Variants in HSPA14 observed in about 807,000 individuals in gnomAD.
The protein encoded by HSPA14 is heat shock protein family A (Hsp70) member 14.
HSPA14 carries 37 observed loss-of-function variants against 65.5 expected under a neutral mutation model. The observed-to-expected ratio is 0.56, with a 90% CI of 0.43 to 0.74. The LOEUF (loss-of-function observed/expected upper bound fraction) is 0.74. Ranked by LOEUF, HSPA14 falls within the 30% of genes least tolerant of loss-of-function variation. HSPA14 has a pLI of 0.00. For synonymous variants in HSPA14, 203 were observed against 214.2 expected, an observed-to-expected ratio of 0.95 and a Z score of 0.46; for missense variants, 564 against 607.6, an observed-to-expected ratio of 0.93 and a Z score of 0.75.
rs934140473 is a variant in HSPA14 at position 14,838,367 on chromosome 10, C to T, written c.-36C>T. The T allele has an allele frequency of 3.8e-6, 6 of 1,576,138 alleles. No individual in the cohort carries two copies. The highest frequency in any genetic ancestry group is 1.3e-5 in the African/African-American group (1 of 74,518). On this transcript the variant is annotated 5_prime_UTR_variant, in exon 1 of 14. Coordinates refer to ENST00000378372, the MANE Select transcript of HSPA14 (RefSeq NM_016299.4). Reference sequence around the variant, plus strand: ...GCCGGTAGCTGTTGCTGTTGGGGGACCCCCTCATTCCTGCCGCTGCCGTCC... The same window carrying T: ...GCCGGTAGCTGTTGCTGTTGGGGGATCCCCTCATTCCTGCCGCTGCCGTCC...
chr10:14,855,698 T>C lies in HSPA14; in HGVS notation c.891-143T>C, dbSNP rs112700991. The stretch of plus-strand genomic sequence containing the variant: ...CCTTATTCTTATGGTAAACCTGTCA[T>C]TCAGAGAACTATCATATTAAGTTTT... On this transcript the variant is annotated intron_variant, in intron 9 of 13. Coordinates refer to ENST00000378372, the MANE Select transcript of HSPA14 (RefSeq NM_016299.4). 3.5e-3 allele frequency: 1,977 copies of C among 563,250 alleles called. 27 individuals are homozygous for C. Among genetic ancestry groups the C allele is most frequent in the African/African-American group, 0.031 (1,630 of 52,572 alleles). The allele number at this position is 563,250 out of a possible 1,614,324, so 34.9% of individuals were successfully genotyped here. A position where few individuals can be genotyped will look rare whatever the true frequency, so the allele number is the denominator to read the frequency against.
chr10:14,849,585 A>T, intron 5 of HSPA14, 136 bp from the exon 6 acceptor site: 1 of 732,398 alleles, frequency 1.4e-6, no homozygotes, highest in South Asian at 1.5e-5. Flanking sequence ...AAGAAAATTG[A>T]CACGGGGGCG....
At chr10:14,862,224 T>C (rs1414690146) in intron 10 of HSPA14, among the ~76,000 whole-genome samples, 1 of 150,194 alleles carries the variant, frequency 6.7e-6, no homozygotes, top group African/African-American at 2.4e-5. Flanking sequence ...GAGATGGGGT[T>C]TCACCGTGTT....
chr10:14,858,724 C>A (rs556732517), intron 10 of HSPA14, among the ~76,000 whole-genome samples: 1 of 152,132 alleles, frequency 6.6e-6, no homozygotes, highest in South Asian at 2.1e-4. Flanking sequence ...TTACGGGGAA[C>A]GGGGAGTGAA....
chr10:14,863,732 C>G (rs575606638), intron 10 of HSPA14, among the ~76,000 whole-genome samples: 5 of 152,310 alleles, frequency 3.3e-5, no homozygotes, highest in African/African-American at 1.2e-4. Context: ...CTCTTACCCT[C>G]TTTAACAACT....
Position 14,855,854 on chromosome 10 carries a change from C to T in HSPA14, c.904C>T (p.Leu302Phe). The change falls in exon 10 of 14, where the codon CTT becomes TTT. Residue 302 changes from leucine (L) to phenylalanine (F), a missense_variant. Transcript: ENST00000378372. ...ATGTGTGTACAGAGCAAGATTTGAA[C>T]TTCTTTGTTCTCCACTTTTTAATAA... is the stretch of plus-strand genomic sequence containing the variant. ...DCNVSRARFE[L>F]LCSPLFNKCI... The T allele has an allele frequency of 5.0e-6, 8 of 1,595,518 alleles. No individual in the cohort carries two copies. The highest frequency in any genetic ancestry group is 6.9e-6 in the Non-Finnish European group (8 of 1,163,712).
intron 10 of HSPA14, among the ~76,000 whole-genome samples, chr10:14,857,217 C>G (rs934891958): frequency 6.6e-5 from 10 of 152,080 alleles, no homozygotes; most frequent in Non-Finnish European, 1.2e-4. Context: ...TTTTTTCCTC[C>G]CCTGTAAGAG....
intron 12 of HSPA14, among the ~76,000 whole-genome samples, chr10:14,868,939 C>G (rs902759758): frequency 2.6e-5 from 4 of 152,104 alleles, no homozygotes; most frequent in Non-Finnish European, 5.9e-5. Context: ...CTCCGCCTCC[C>G]AGGTTCATGC....
intron 3 of HSPA14, chr10:14,844,932 G>A: frequency 2.0e-6 from 2 of 985,364 alleles, no homozygotes; most frequent in Non-Finnish European, 2.4e-6. Flanking sequence ...TTCCTTTTGA[G>A]GAGCTTTCCA....
rs534311010 is a variant in HSPA14 at position 14,857,814 on chromosome 10, C to CT, written c.993+1874dup. Among the ~76,000 whole-genome samples, 16 of 151,926 alleles carry CT rather than the reference C, an allele frequency of 1.1e-4. No homozygotes were observed. The South Asian group carries it at 3.3e-3, about 32-fold the overall frequency. ...ATACTTTTCTTTTAACTTGTCTATA[C>CT]TTTGACAGTTTTATGTTTTTAGTTT... On this transcript the variant is annotated intron_variant, in intron 10 of 13. Coordinates refer to ENST00000378372, the MANE Select transcript of HSPA14 (RefSeq NM_016299.4).
intron 1 of HSPA14, among the ~76,000 whole-genome samples, chr10:14,838,813 C>A (rs964070151): frequency 6.6e-6 from 1 of 151,826 alleles, no homozygotes; most frequent in Admixed American, 6.6e-5. Flanking sequence ...GTCCCGGGGA[C>A]GGCGGGGCTG....
At chr10:14,862,371 CTTTT>C (rs1832757888) in intron 10 of HSPA14, among the ~76,000 whole-genome samples, 1 of 142,192 alleles carries the variant, frequency 7.0e-6, no homozygotes, top group Non-Finnish European at 1.5e-5. Flanking sequence ...TCTTTCTTTT[CTTTT>C]CTTTTTTTTT....
Position 14,851,253 on chromosome 10 carries a change from C to T in HSPA14, c.502C>T (p.Arg168Ter), listed in dbSNP as rs570039143. 1 of 1,610,602 alleles carries T rather than the reference C, an allele frequency of 6.2e-7. No homozygotes were observed. The highest frequency in any genetic ancestry group is 1.1e-5 in the South Asian group (1 of 90,742). The stretch of plus-strand genomic sequence containing the variant: ...TAGAGCTGCTGGATTTAATGTTTTG[C>T]GATTAATTCACGAACCGTCTGCAGC... ...AARAAGFNVLRLIHEPSAALL... is the reference protein window; with the variant it reads ...AARAAGFNVL Residue 168 changes from arginine to a stop codon, truncating the protein, a stop_gained, in exon 7 of 14, where the codon CGA becomes TGA. Transcript: ENST00000378372. LOFTEE classifies it high-confidence loss of function.
chr10:14,864,659 A>AT (rs774844209), intron 10 of HSPA14, among the ~76,000 whole-genome samples: 21 of 152,118 alleles, frequency 1.4e-4, no homozygotes, highest in Non-Finnish European at 2.4e-4. Flanking sequence ...TGAACTCGTC[A>AT]TTTTTTATGG....
chr10:14,840,222 T>C, intron 3 of HSPA14, 65 bp downstream of exon 3: 2 of 827,874 alleles, frequency 2.4e-6, no homozygotes, highest in Non-Finnish European at 3.5e-6. Context: ...CTAAGCATAA[T>C]GTGAAAAGAA....
chr10:14,839,157 C>G (rs1435850732), intron 1 of HSPA14, among the ~76,000 whole-genome samples: 1 of 152,196 alleles, frequency 6.6e-6, no homozygotes, highest in Non-Finnish European at 1.5e-5. Context: ...TGGCCTTTCT[C>G]TCATCAGTGG....
chr10:14,869,338 C>T (rs1347766835), intron 12 of HSPA14, among the ~76,000 whole-genome samples: 1 of 151,082 alleles, frequency 6.6e-6, no homozygotes, highest in African/African-American at 2.4e-5. Context: ...GCTCTGTCAC[C>T]TAGGCCAGAG....
At chr10:14,853,084 TAA>T (rs538080301) in intron 8 of HSPA14, among the ~76,000 whole-genome samples, 37 of 141,574 alleles carry the variant, frequency 2.6e-4, no homozygotes, top group Non-Finnish European at 2.2e-4. Context: ...ACTGCTGCTC[TAA>T]AAAAAAAAAA....
At chr10:14,848,738 T>C in intron 4 of HSPA14, 52 bp from the exon 5 acceptor site, 1 of 1,445,508 alleles carries the variant, frequency 6.9e-7, no homozygotes, top group Non-Finnish European at 9.5e-7. Context: ...TTTGAAACTT[T>C]GCATTTTTAT....
Sources: allele counts gnomAD v4.1 joint callset (sites outside exome capture counted in the v4.1 genomes callset), GRCh38; gene constraint gnomAD v4.1.1; transcripts MANE v1.5; gene names NCBI Gene and HGNC (gene_info 2026-07-23, HGNC 2026-07-21).